The following LDLRAD3 variants were observed in gnomAD, a reference collection of about 807,000 sequenced individuals.
The protein encoded by LDLRAD3 is low-density lipoprotein receptor class A domain-containing protein 3.
Under a neutral mutation model 29.4 loss-of-function variants are expected in LDLRAD3, and 20 were observed. That is an observed-to-expected ratio of 0.68 (90% CI 0.48 to 0.99). LDLRAD3 has a LOEUF of 0.99. Ranked by LOEUF, LDLRAD3 falls within the 50% of genes least tolerant of loss-of-function variation. LDLRAD3 has a pLI of 0.00. For missense variants in LDLRAD3, 420 were observed against 454.3 expected (o/e 0.92, Z 0.69); for synonymous variants, 157 against 192.7 (o/e 0.81, Z 1.53).
chr11:36,054,757 G>GGATGGATGGATGGATGGATA (rs1852582628), intron 2 of LDLRAD3, among the ~76,000 whole-genome samples: 3 of 149,654 alleles, frequency 2.0e-5, no homozygotes, highest in Admixed American at 6.7e-5. Flanking sequence ...ATGGATGCTT[G>GGATGGATGGATGGATGGATA]GATGGATGGA....
chr11:36,193,255 C>T (rs1188559623), intron 4 of LDLRAD3, among the ~76,000 whole-genome samples: 1 of 152,112 alleles, frequency 6.6e-6, no homozygotes, highest in Admixed American at 6.6e-5. Flanking sequence ...GAGCTCAATT[C>T]ATGAAGGTGA....
intron 4 of LDLRAD3, among the ~76,000 whole-genome samples, chr11:36,117,317 G>C (rs535777592): frequency 5.3e-4 from 80 of 152,278 alleles, no homozygotes; most frequent in African/African-American, 1.8e-3. Context: ...TTTTCTATTA[G>C]AATTGCAAAA....
intron 1 of LDLRAD3, among the ~76,000 whole-genome samples, chr11:35,953,403 T>C (rs145863681): frequency 7.9e-5 from 12 of 152,320 alleles, no homozygotes; most frequent in East Asian, 1.9e-4. Flanking sequence ...GGGACACTTA[T>C]GTGTTTGTTG....
At chr11:36,183,963 CTTT>C (rs547281058) in intron 4 of LDLRAD3, 825 of 219,970 alleles carry the variant, frequency 3.8e-3, no homozygotes, top group South Asian at 7.3e-3. Context: ...TATATTTCAT[CTTT>C]TTTTTTTTTT....
intron 4 of LDLRAD3, among the ~76,000 whole-genome samples, chr11:36,149,271 A>T (rs1050177314): frequency 2.6e-5 from 4 of 152,244 alleles, no homozygotes; most frequent in African/African-American, 7.2e-5. Flanking sequence ...GGATGGTCAG[A>T]TGCCTGTGCA....
intron 4 of LDLRAD3, among the ~76,000 whole-genome samples, chr11:36,168,963 G>T (rs1259921443): frequency 2.0e-5 from 3 of 152,146 alleles, no homozygotes; most frequent in Non-Finnish European, 4.4e-5. Flanking sequence ...TCACATTGAG[G>T]TTGAAGCATG....
At chr11:36,086,384 G>A (rs201730925) in intron 3 of LDLRAD3, among the ~76,000 whole-genome samples, 308 of 152,266 alleles carry the variant, frequency 2.0e-3, no homozygotes, top group African/African-American at 5.9e-3. Flanking sequence ...AAGCCTAGCG[G>A]GAGTGCTTAT....
intron 1 of LDLRAD3, among the ~76,000 whole-genome samples, chr11:35,987,857 T>A (rs1428946687): frequency 6.6e-6 from 1 of 152,230 alleles, no homozygotes; most frequent in African/African-American, 2.4e-5. Context: ...CTTTTCACAG[T>A]GGCTGAACTA....
At chr11:35,991,946 G>A (rs763074199) in intron 1 of LDLRAD3, among the ~76,000 whole-genome samples, 15 of 151,618 alleles carry the variant, frequency 9.9e-5, no homozygotes, top group Non-Finnish European at 1.8e-4. Flanking sequence ...CTGTATGGCT[G>A]TATGCTTGTG....
At chr11:36,155,736 A>G (rs1854339856) in intron 4 of LDLRAD3, among the ~76,000 whole-genome samples, 2 of 152,128 alleles carry the variant, frequency 1.3e-5, no homozygotes, top group African/African-American at 2.4e-5. Context: ...CCTCTTGTTC[A>G]CCCCTGTTAT....
intron 4 of LDLRAD3, among the ~76,000 whole-genome samples, chr11:36,219,701 T>G (rs1855402138): frequency 6.6e-6 from 1 of 152,240 alleles, no homozygotes; most frequent in South Asian, 2.1e-4. Context: ...CTATAAGACT[T>G]CTTCTAAACA....
chr11:36,159,358 A>C (rs1042238058), intron 4 of LDLRAD3, among the ~76,000 whole-genome samples: 19 of 151,880 alleles, frequency 1.3e-4, no homozygotes, highest in African/African-American at 4.4e-4. Context: ...AGTCCCAGCT[A>C]CTGGAGAAGC....
At chr11:36,079,462 A>G (rs1365297629) in intron 2 of LDLRAD3, among the ~76,000 whole-genome samples, 4 of 152,234 alleles carry the variant, frequency 2.6e-5, no homozygotes, top group Non-Finnish European at 5.9e-5. Context: ...ACTGTTTTGT[A>G]TAGATTATCT....
intron 4 of LDLRAD3, among the ~76,000 whole-genome samples, chr11:36,174,153 G>C (rs374284658): frequency 1.3e-5 from 2 of 152,230 alleles, no homozygotes; most frequent in Non-Finnish European, 1.5e-5. Flanking sequence ...GGAAAACTGG[G>C]TAGCCATATG....
At chr11:36,025,139 C>T (rs1436385733) in intron 1 of LDLRAD3, among the ~76,000 whole-genome samples, 3 of 152,184 alleles carry the variant, frequency 2.0e-5, no homozygotes, top group African/African-American at 4.8e-5. Flanking sequence ...TGCTTGCCCC[C>T]TTTTATCTCG....
chr11:36,057,009 C>G (rs1184410707), intron 2 of LDLRAD3, among the ~76,000 whole-genome samples: 1 of 152,044 alleles, frequency 6.6e-6, no homozygotes, highest in Non-Finnish European at 1.5e-5. Flanking sequence ...TGTTGATGCA[C>G]TGGTCTGAGG....
intron 1 of LDLRAD3, among the ~76,000 whole-genome samples, chr11:35,965,572 A>G (rs112914991): frequency 0.012 from 1,755 of 152,254 alleles, 43 homozygotes; most frequent in African/African-American, 0.041. Context: ...AGTCCTCACT[A>G]TGTGCCGAGA....
At position 36,103,475 on chromosome 11, in the gene LDLRAD3, A is replaced by G. The variant is rs1031665488; in HGVS notation, c.454+5014A>G. ...GGGATGGTCTCCATCTCCTGACCTC[A>G]TGATCCGCCCGCCTCGGCCTCCCAA... On this transcript the variant is annotated intron_variant, in intron 4 of 5. Transcript: ENST00000315571. Among the ~76,000 whole-genome samples, 21 of 152,012 alleles carry G rather than the reference A, an allele frequency of 1.4e-4. No homozygotes were observed. In the South Asian group the frequency reaches 2.5e-3, roughly 18 times the overall value.
At chr11:36,193,612 G>A (rs1019666106) in intron 4 of LDLRAD3, among the ~76,000 whole-genome samples, 3 of 151,982 alleles carry the variant, frequency 2.0e-5, no homozygotes, top group South Asian at 2.1e-4. Context: ...AGATGTTGTC[G>A]CATGCCCCTC....
Sources: gnomAD v4.1 joint callset for allele counts (sites outside exome capture counted in the v4.1 genomes callset) on GRCh38, gnomAD v4.1.1 for gene constraint, MANE v1.5 for transcripts, NCBI Gene and HGNC (gene_info 2026-07-23, HGNC 2026-07-21) for gene names.